The following TTC28 variants were observed in gnomAD, a reference collection of about 807,000 sequenced individuals.
The protein encoded by TTC28 is tetratricopeptide repeat protein 28.
TTC28 carries 61 observed loss-of-function variants against 198.0 expected under a neutral mutation model. The observed-to-expected ratio is 0.31, with a 90% confidence interval of 0.25 to 0.38. The LOEUF (loss-of-function observed/expected upper bound fraction) is 0.38, where lower values mean the gene tolerates loss of function less well. Ranked by LOEUF, TTC28 falls within the 10% of genes least tolerant of loss-of-function variation. The probability of loss-of-function intolerance (pLI) is 1.00; values close to 1 mark genes in which losing one functional copy is unlikely to be tolerated. For synonymous variants in TTC28, 1,171 were observed against 1,297.8 expected (o/e 0.90, Z 2.10); for missense variants, 2,678 against 3,164.0 (o/e 0.85, Z 3.69).
Position 28,644,884 on chromosome 22 carries a change from C to T in TTC28, c.103-15054G>A, listed in dbSNP as rs192589737. 2.0e-5 allele frequency among the ~76,000 whole-genome samples: 3 copies of T among 151,076 alleles called. No individual in the cohort carries two copies. In the East Asian group the frequency reaches 6.0e-4, roughly 30 times the overall value. On this transcript the variant is annotated intron_variant, in intron 1 of 22. Transcript: ENST00000397906. ...AGTTCAGTGGGGCGCGGTGGCTCAC[C>T]CCTGTAATCCCAACACTTTGGGAGG...
intron 6 of TTC28, among the ~76,000 whole-genome samples, chr22:28,144,389 C>T (rs907279209): frequency 1.3e-4 from 20 of 152,208 alleles, no homozygotes; most frequent in Admixed American, 1.1e-3. Context: ...GGAAAGCTAT[C>T]AGGTATACCT....
chr22:28,484,752 G>A (rs922774425), intron 2 of TTC28, among the ~76,000 whole-genome samples: 22 of 152,210 alleles, frequency 1.4e-4, no homozygotes, highest in African/African-American at 4.3e-4. Flanking sequence ...ACTTAAAAGA[G>A]GAATAAGTAA....
intron 2 of TTC28, among the ~76,000 whole-genome samples, chr22:28,480,082 T>C (rs1021094036): frequency 6.6e-6 from 1 of 152,178 alleles, no homozygotes; most frequent in Non-Finnish European, 1.5e-5. Context: ...AAATGGGGGT[T>C]ATCAACATGC....
At chr22:28,457,791 G>T (rs1355108801) in intron 2 of TTC28, among the ~76,000 whole-genome samples, 1 of 151,820 alleles carries the variant, frequency 6.6e-6, no homozygotes, top group Non-Finnish European at 1.5e-5. Flanking sequence ...TATTCATTCT[G>T]CCACATAAAT....
At chr22:28,035,273 G>A (rs147427962) in intron 12 of TTC28, among the ~76,000 whole-genome samples, 115 of 152,222 alleles carry the variant, frequency 7.6e-4, no homozygotes, top group African/African-American at 2.6e-3. Context: ...AACGACAGGC[G>A]AGAAACTCCA....
At chr22:28,061,568 T>C (rs560032760) in intron 12 of TTC28, among the ~76,000 whole-genome samples, 1 of 152,328 alleles carries the variant, frequency 6.6e-6, no homozygotes, top group African/African-American at 2.4e-5. Context: ...TTTCGTTCCA[T>C]TGGTCTGTAT....
At chr22:28,046,904 G>A (rs1939890218) in intron 12 of TTC28, among the ~76,000 whole-genome samples, 2 of 152,142 alleles carry the variant, frequency 1.3e-5, no homozygotes, top group South Asian at 4.1e-4. Context: ...AGGTGTCAAT[G>A]CAATAAATAT....
At position 28,537,313 on chromosome 22, in the gene TTC28, TAA is replaced by T. The variant is rs2049308762; in HGVS notation, c.381+92237_381+92238del. The stretch of plus-strand genomic sequence containing the variant: ...GTCTCAAAAATAAAATAAAATAAAA[TAA>T]AATAAAATAAAATAAAATAAAATAA... On this transcript the variant is annotated intron_variant, in intron 2 of 22. Transcript: ENST00000397906. 2.1e-5 allele frequency among the ~76,000 whole-genome samples: 3 copies of T among 141,040 alleles called. No homozygotes were observed. In the South Asian group the frequency reaches 6.7e-4, roughly 31 times the overall value. 92.5% of individuals were successfully genotyped at this position (141,040 alleles called of 152,430 possible).
At chr22:28,102,113 G>A (rs1382204723) in intron 8 of TTC28, among the ~76,000 whole-genome samples, 1 of 152,178 alleles carries the variant, frequency 6.6e-6, no homozygotes, top group Non-Finnish European at 1.5e-5. Context: ...AGCTCTTCCT[G>A]ATAGTTAAAT....
chr22:28,508,654 G>T (rs1229866627), intron 2 of TTC28, among the ~76,000 whole-genome samples: 1 of 152,118 alleles, frequency 6.6e-6, no homozygotes, highest in Non-Finnish European at 1.5e-5. Flanking sequence ...ATGGTAAAGG[G>T]TTCAATTCAA....
chr22:28,298,742 C>T (rs963991349), intron 3 of TTC28, among the ~76,000 whole-genome samples: 13 of 152,082 alleles, frequency 8.5e-5, no homozygotes, highest in Admixed American at 7.2e-4. Flanking sequence ...TGAGTTACCA[C>T]GCCCAGGCTG....
intron 2 of TTC28, among the ~76,000 whole-genome samples, chr22:28,428,460 ACCCT>A: frequency 6.6e-6 from 1 of 151,904 alleles, no homozygotes; most frequent in Non-Finnish European, 1.5e-5. Context: ...TTTCCATAGC[ACCCT>A]ATCTGTGGTA....
intron 2 of TTC28, among the ~76,000 whole-genome samples, chr22:28,416,750 G>T (rs1477983113): frequency 1.3e-5 from 2 of 152,078 alleles, no homozygotes; most frequent in Admixed American, 1.3e-4. Flanking sequence ...CAAAAAGCTC[G>T]ATGACATAGT....
In TTC28 at chr22:28,085,924, C is replaced by T. The variant is rs569637134; in HGVS notation, c.3932+8156G>A. On this transcript the variant is annotated intron_variant, in intron 12 of 22. Coordinates refer to ENST00000397906, the MANE Select transcript of TTC28 (RefSeq NM_001145418.2). ...TCAAAAGAGACAAAGAAGGCCATTA[C>T]GTAATGGTAAAGGGATCAATTCAAC... Among the ~76,000 whole-genome samples the T allele has an allele frequency of 1.8e-3, 275 of 152,232 alleles. 3 individuals carry two copies. Among genetic ancestry groups the T allele is most frequent in the African/African-American group, 6.2e-3 (259 of 41,538 alleles).
At chr22:28,126,007 T>A (rs1942905000) in intron 6 of TTC28, among the ~76,000 whole-genome samples, 1 of 152,116 alleles carries the variant, frequency 6.6e-6, no homozygotes, top group African/African-American at 2.4e-5. Flanking sequence ...AGCGGCAAAG[T>A]CACTGTATTC....
At chr22:28,151,680 G>A (rs1045859539) in intron 6 of TTC28, among the ~76,000 whole-genome samples, 1 of 152,120 alleles carries the variant, frequency 6.6e-6, no homozygotes, top group Non-Finnish European at 1.5e-5. Flanking sequence ...CAAGGCCTCT[G>A]GTGCTTGGTC....
chr22:28,037,983 G>A (rs181031510), intron 12 of TTC28, among the ~76,000 whole-genome samples: 388 of 152,272 alleles, frequency 2.5e-3, no homozygotes, highest in African/African-American at 8.8e-3. Context: ...ACCTCTTCAA[G>A]GAGAACTAGA....
At position 28,314,339 on chromosome 22, in the gene TTC28, T is replaced by C. The variant is rs1283242085; in HGVS notation, c.382-7696A>G. Among the ~76,000 whole-genome samples the C allele has an allele frequency of 2.0e-5, 3 of 152,316 alleles. No individual in the cohort carries two copies. In the East Asian group the frequency reaches 5.8e-4, roughly 29 times the overall value. ...ATCTCCATCAAGCTACCACTGACTTTCTTCACAGAATTGGAAAAAACTACT... is the reference window on the plus strand; with the variant it reads ...ATCTCCATCAAGCTACCACTGACTTCCTTCACAGAATTGGAAAAAACTACT... On this transcript the variant is annotated intron_variant, in intron 2 of 22. Transcript: ENST00000397906.
At chr22:28,670,317 C>G (rs1304061072) in intron 1 of TTC28, among the ~76,000 whole-genome samples, 1 of 152,126 alleles carries the variant, frequency 6.6e-6, no homozygotes, top group Non-Finnish European at 1.5e-5. Context: ...CACCCCATAC[C>G]CATCAGCAGT....
Sources: allele counts gnomAD v4.1 joint callset (sites outside exome capture counted in the v4.1 genomes callset), GRCh38; gene constraint gnomAD v4.1.1; transcripts MANE v1.5; gene names NCBI Gene and HGNC (gene_info 2026-07-23, HGNC 2026-07-21).